Variants in COA1 observed in about 807,000 individuals in gnomAD.
COA1 encodes cytochrome c oxidase assembly factor 1 homolog.
In COA1, 13 loss-of-function variants were observed where a neutral mutation model predicts 16.0. That is an observed-to-expected ratio of 0.81 (90% CI 0.53 to 1.29). COA1 has a LOEUF of 1.29. COA1 is among the 50% of genes most tolerant of loss of function. The pLI is 0.00. For missense variants in COA1, 179 were observed against 177.0 expected (o/e 1.01, Z -0.06); for synonymous variants, 65 against 65.7 (o/e 0.99, Z 0.05).
chr7:43,669,759 C>T (rs1478179253), intron 1 of COA1, among the ~76,000 whole-genome samples: 2 of 72,710 alleles, frequency 2.8e-5, no homozygotes, highest in African/African-American at 1.1e-4. Context: ...CTCCTTAAAA[C>T]CAAAAAAAAA....
chr7:43,693,388 A>G (rs1327249301), intron 1 of COA1, among the ~76,000 whole-genome samples: 4 of 152,112 alleles, frequency 2.6e-5, no homozygotes, highest in Admixed American at 1.3e-4. Context: ...ACTGATTTTA[A>G]TATCTGTAGA....
At chr7:43,710,187 T>C (rs1435148424) in intron 1 of COA1, among the ~76,000 whole-genome samples, 1 of 149,984 alleles carries the variant, frequency 6.7e-6, no homozygotes, top group African/African-American at 2.4e-5. Context: ...CTGCCTCTAC[T>C]AAAAATACAA....
At chr7:43,675,526 A>G (rs2129878540) in intron 1 of COA1, among the ~76,000 whole-genome samples, 1 of 152,182 alleles carries the variant, frequency 6.6e-6, no homozygotes, top group Non-Finnish European at 1.5e-5. Flanking sequence ...GGTGCAGCAC[A>G]CCAACATGGC....
At chr7:43,699,461 A>G (rs558956690) in intron 1 of COA1, among the ~76,000 whole-genome samples, 11 of 152,296 alleles carry the variant, frequency 7.2e-5, no homozygotes, top group Non-Finnish European at 1.5e-4. Context: ...TAAAAAGTGA[A>G]GATGTTTTAA....
chr7:43,640,183 G>T (rs1415637222), intron 5 of COA1, among the ~76,000 whole-genome samples: 1 of 152,250 alleles, frequency 6.6e-6, no homozygotes, highest in Non-Finnish European at 1.5e-5. Flanking sequence ...AGCCAATTAA[G>T]GGGTGGAGAG....
intron 6 of COA1, chr7:43,623,506 T>A: frequency 7.2e-7 from 1 of 1,390,516 alleles, no homozygotes; most frequent in Non-Finnish European, 1.0e-6. Flanking sequence ...TAGTTTTTTA[T>A]CTCTTAGAGC....
intron 1 of COA1, among the ~76,000 whole-genome samples, chr7:43,691,558 T>C (rs2094370132): frequency 6.6e-6 from 1 of 152,204 alleles, no homozygotes; most frequent in Non-Finnish European, 1.5e-5. Context: ...ACCCTTCTAG[T>C]AGCTCTAACA....
chr7:43,648,092 G>GC (rs2089939226), intron 2 of COA1: 1 of 192,690 alleles, frequency 5.2e-6, no homozygotes, highest in East Asian at 1.4e-4. Context: ...TTTGAAAAAT[G>GC]CACCACCCTT....
At chr7:43,700,591 C>CGTACGTGTGTGT (rs2094696020) in intron 1 of COA1, among the ~76,000 whole-genome samples, 1 of 144,868 alleles carries the variant, frequency 6.9e-6, no homozygotes, top group Admixed American at 7.0e-5. Flanking sequence ...TGTATATATA[C>CGTACGTGTGTGT]GTGTGTGTGT....
chr7:43,639,641 G>C lies in COA1; in HGVS notation c.382C>G (p.Gln128Glu). 1 of 1,614,026 alleles carries C rather than the reference G, an allele frequency of 6.2e-7. No individual in the cohort carries two copies. Among genetic ancestry groups the C allele is most frequent in the Non-Finnish European group, 8.5e-7 (1 of 1,179,970 alleles). ...CTGAGCTTGAACACAGGAATCTGCT[G>C]ACCATCCTTGAGCTCTAAAAAGACC... Reference protein sequence around the residue: ...DEVFLELKDGQQIPVFKLSGE... With the variant: ...DEVFLELKDGEQIPVFKLSGE... The change falls in exon 6 of 6, where the codon CAG (glutamine) becomes GAG (glutamate). Residue 128 changes from glutamine to glutamate, a missense_variant. By Grantham distance (29) the Gln-to-Glu change is conservative. Coordinates refer to ENST00000223336, the MANE Select transcript of COA1 (RefSeq NM_018224.4).
At chr7:43,646,615 A>C in intron 3 of COA1, 1 of 456,704 alleles carries the variant, frequency 2.2e-6, no homozygotes, top group Non-Finnish European at 4.4e-6. Flanking sequence ...CAGAAAGCTG[A>C]ACCCTGACCC....
intron 1 of COA1, among the ~76,000 whole-genome samples, chr7:43,692,512 T>C (rs1315162678): frequency 6.6e-6 from 1 of 151,922 alleles, no homozygotes; most frequent in East Asian, 1.9e-4. Flanking sequence ...AGCAAGACCC[T>C]GTCTTAAAAA....
chr7:43,673,354 AAAG>A (rs1273177448), intron 1 of COA1, among the ~76,000 whole-genome samples: 4 of 152,274 alleles, frequency 2.6e-5, no homozygotes, highest in Admixed American at 2.6e-4. Context: ...ACACTTTTCA[AAAG>A]AAGACATGTA....
intron 6 of COA1, among the ~76,000 whole-genome samples, chr7:43,618,757 T>A (rs566721000): frequency 6.6e-6 from 1 of 152,330 alleles, no homozygotes; most frequent in African/African-American, 2.4e-5. Flanking sequence ...CCTCACTGAT[T>A]CTGTGGCTCT....
At chr7:43,641,108 CATCATTTT>C (rs1182277968) in intron 4 of COA1, 1 of 151,960 alleles carries the variant, frequency 6.6e-6, no homozygotes, top group East Asian at 1.9e-4. Context: ...AATTTTCAAA[CATCATTTT>C]AAAAAAAAGA....
chr7:43,640,950 C>T (rs1182011827), intron 4 of COA1: 1 of 284,118 alleles, frequency 3.5e-6, no homozygotes, highest in Non-Finnish European at 6.5e-6. Context: ...GGAGCAAACT[C>T]CTGATACACG....
At chr7:43,631,826 T>G (rs2085200923) in intron 6 of COA1, 1 of 152,248 alleles carries the variant, frequency 6.6e-6, no homozygotes, top group African/African-American at 2.4e-5. Flanking sequence ...ATGAATTTTT[T>G]GCCTTTCCAC....
At chr7:43,699,577 C>T (rs748675226) in intron 1 of COA1, among the ~76,000 whole-genome samples, 8 of 152,208 alleles carry the variant, frequency 5.3e-5, no homozygotes, top group Middle Eastern at 3.4e-3. Context: ...AAAACTGTCA[C>T]GCAGACATGA....
At chr7:43,638,566 C>CTTTTTTTTTTTTT (rs746584234), downstream of COA1, among the ~76,000 whole-genome samples, 1 of 97,426 alleles carries the variant, frequency 1.0e-5, no homozygotes, top group African/African-American at 3.9e-5. Context: ...TTTTTCTTTC[C>CTTTTTTTTTTTTT]TTTTTTTTTT....
Sources: allele counts gnomAD v4.1 joint callset (sites outside exome capture counted in the v4.1 genomes callset), GRCh38; gene constraint gnomAD v4.1.1; transcripts MANE v1.5; gene names NCBI Gene and HGNC (gene_info 2026-07-23, HGNC 2026-07-21).